TRAF3IP1: variants seen among roughly 807,000 people sequenced by gnomAD.
TRAF3IP1 encodes the protein TRAF3-interacting protein 1.
A neutral mutation model predicts 89.9 loss-of-function variants in TRAF3IP1; 53 were observed. The observed-to-expected ratio is 0.59, with a 90% confidence interval of 0.47 to 0.74. The LOEUF (loss-of-function observed/expected upper bound fraction) is 0.74. Ranked by LOEUF, TRAF3IP1 falls within the 30% of genes least tolerant of loss-of-function variation. The pLI, the probability that TRAF3IP1 is intolerant of heterozygous loss-of-function variation, is 0.00. For missense variants in TRAF3IP1, 806 were observed against 866.1 expected (o/e 0.93, Z 0.87); for synonymous variants, 311 against 322.1 (o/e 0.97, Z 0.37).
At chr2:238,367,899 C>A in intron 15 of TRAF3IP1, among the ~76,000 whole-genome samples, 1 of 152,004 alleles carries the variant, frequency 6.6e-6, no homozygotes, top group East Asian at 1.9e-4. Flanking sequence ...GGGGTGGGCG[C>A]GTTGAGCTGC....
chr2:238,354,893 G>GC (rs761151641), intron 14 of TRAF3IP1, among the ~76,000 whole-genome samples: 25 of 151,314 alleles, frequency 1.7e-4, no homozygotes, highest in African/African-American at 4.6e-4. Context: ...CTTGTGATCG[G>GC]CCCCCTTGGC....
chr2:238,335,766 T>TTTTTTTTA (rs1553611251), intron 7 of TRAF3IP1, among the ~76,000 whole-genome samples: 23 of 137,126 alleles, frequency 1.7e-4, no homozygotes, highest in African/African-American at 4.9e-4. Flanking sequence ...TTTTATTTTA[T>TTTTTTTTA]TTTATTTATT....
At chr2:238,391,172 G>A (rs984614808) in intron 15 of TRAF3IP1, among the ~76,000 whole-genome samples, 1 of 152,044 alleles carries the variant, frequency 6.6e-6, no homozygotes, top group Admixed American at 6.6e-5. Flanking sequence ...GGCCAGGCTG[G>A]TCTCAAATTT....
At chr2:238,348,198 A>T (rs1016287599) in intron 10 of TRAF3IP1, among the ~76,000 whole-genome samples, 2 of 152,052 alleles carry the variant, frequency 1.3e-5, no homozygotes, top group East Asian at 3.8e-4. Context: ...GAAAAATTTA[A>T]AAATGCAAAA....
intron 15 of TRAF3IP1, among the ~76,000 whole-genome samples, chr2:238,382,007 A>G (rs4663886): frequency 0.28 from 42,411 of 151,966 alleles, 6,044 homozygotes; most frequent in African/African-American, 0.29. Flanking sequence ...CAAAGTATTT[A>G]CCTGAAGCCG....
At chr2:238,348,700 T>C (rs1487187866) in intron 10 of TRAF3IP1, 64 bp from the exon 11 acceptor site, 2 of 1,408,208 alleles carry the variant, frequency 1.4e-6, no homozygotes, top group African/African-American at 1.4e-5. Flanking sequence ...GCAAATAGTA[T>C]TTTCAAATAG....
chr2:238,382,249 A>G (rs1700580780), intron 15 of TRAF3IP1, among the ~76,000 whole-genome samples: 1 of 152,202 alleles, frequency 6.6e-6, no homozygotes, highest in South Asian at 2.1e-4. Flanking sequence ...AGACCTGAGT[A>G]TGCAGACAGG....
At position 238,396,839 on chromosome 2, in the gene TRAF3IP1, A is replaced by G. The variant is rs371543488; in HGVS notation, c.1690-620A>G. Reference sequence around the variant, plus strand: ...TGTGGCCTCCCTGAGCGGCCAGCACAGTCACGTCTAAGTCGACCTGACCAT... The same window carrying G: ...TGTGGCCTCCCTGAGCGGCCAGCACGGTCACGTCTAAGTCGACCTGACCAT... On this transcript the variant is annotated intron_variant, in intron 15 of 16. Coordinates refer to ENST00000373327, the MANE Select transcript of TRAF3IP1 (RefSeq NM_015650.4). 2.6e-5 allele frequency among the ~76,000 whole-genome samples: 4 copies of G among 152,114 alleles called. No individual in the cohort carries two copies. The East Asian group carries it at 7.7e-4, about 29-fold the overall frequency.
At chr2:238,334,522 C>T (rs1318359054) in intron 7 of TRAF3IP1, among the ~76,000 whole-genome samples, 1 of 152,228 alleles carries the variant, frequency 6.6e-6, no homozygotes, top group Non-Finnish European at 1.5e-5. Flanking sequence ...ACCTTATCAT[C>T]TTGCCTAACA....
In TRAF3IP1 at chr2:238,399,334, G is replaced by A. The variant is rs4663891; in HGVS notation, c.*415G>A. 0.28 allele frequency: 43,055 copies of A among 154,404 alleles called. 6,107 individuals carry two copies. The highest frequency in any genetic ancestry group is 0.29 in the African/African-American group (12,135 of 41,520). The allele number at this position is 154,404 out of a possible 1,614,324, so 9.6% of individuals were successfully genotyped here. ...TCAGTGCCGAATGAAGGATGACTGT[G>A]TACTTTTTGATAGGCACTTGATAAG... On this transcript the variant is annotated 3_prime_UTR_variant, in exon 17 of 17. Transcript: ENST00000373327.
rs115829396 is a variant in TRAF3IP1, at chr2:238,361,605, G to A, written c.1689+5525G>A. ...CTTTGTACCCCCACCTCTCTAGGGA[G>A]CCCAGGCACTACGTGTTTCCGGGCT... On this transcript the variant is annotated intron_variant, in intron 15 of 16. Transcript: ENST00000373327. Among the ~76,000 whole-genome samples, 1,066 of 152,100 alleles carry A rather than the reference G, an allele frequency of 7.0e-3. 11 individuals carry two copies. The highest frequency in any genetic ancestry group is 0.024 in the African/African-American group (978 of 41,498).
chr2:238,381,148 T>A (rs1037718699), intron 15 of TRAF3IP1, among the ~76,000 whole-genome samples: 3 of 151,120 alleles, frequency 2.0e-5, no homozygotes, highest in Non-Finnish European at 3.0e-5. Context: ...TTTATTTTTT[T>A]TTTTTTCAGA....
intron 15 of TRAF3IP1, among the ~76,000 whole-genome samples, chr2:238,362,009 T>C (rs1423464310): frequency 6.6e-6 from 1 of 152,182 alleles, no homozygotes. Context: ...TGAGTTGCCC[T>C]CGGCAGGGTC....
At chr2:238,360,234 C>G (rs1341503879) in intron 15 of TRAF3IP1, among the ~76,000 whole-genome samples, 9 of 152,200 alleles carry the variant, frequency 5.9e-5, no homozygotes, top group Admixed American at 5.9e-4. Context: ...GTAACTGAAA[C>G]TGCAGAAAGT....
intron 8 of TRAF3IP1, 114 bp from the exon 9 acceptor site, chr2:238,344,382 AC>A (rs1698794623): frequency 1.2e-6 from 1 of 810,996 alleles, no homozygotes. Flanking sequence ...GTCAGTCCTA[AC>A]TTGCAGTGTG....
intron 5 of TRAF3IP1, among the ~76,000 whole-genome samples, chr2:238,332,086 G>A (rs934572558): frequency 6.6e-6 from 1 of 152,194 alleles, no homozygotes; most frequent in African/African-American, 2.4e-5. Flanking sequence ...GGTAGCACGT[G>A]TGCAGTGCCC....
intron 15 of TRAF3IP1, among the ~76,000 whole-genome samples, chr2:238,359,571 G>A (rs1699572990): frequency 6.6e-6 from 1 of 151,594 alleles, no homozygotes; most frequent in African/African-American, 2.4e-5. Flanking sequence ...TGTTTTTATT[G>A]CTGAGTAGTA....
chr2:238,344,376 G>T, intron 8 of TRAF3IP1, 121 bp from the exon 9 acceptor site: 1 of 776,540 alleles, frequency 1.3e-6, no homozygotes, highest in Non-Finnish European at 2.1e-6. Flanking sequence ...TCCTTTGTCA[G>T]TCCTAACTTG....
chr2:238,372,042 T>C (rs888931002), intron 15 of TRAF3IP1, among the ~76,000 whole-genome samples: 5 of 152,144 alleles, frequency 3.3e-5, no homozygotes, highest in Non-Finnish European at 7.4e-5. Context: ...AAGAATAACA[T>C]AATAATAATA....
Sources: gnomAD v4.1 joint callset for allele counts (sites outside exome capture counted in the v4.1 genomes callset) on GRCh38, gnomAD v4.1.1 for gene constraint, MANE v1.5 for transcripts, NCBI Gene and HGNC (gene_info 2026-07-23, HGNC 2026-07-21) for gene names.